Variants in PARD3B observed in about 807,000 individuals in gnomAD.
PARD3B encodes partitioning defective 3 homolog B.
PARD3B carries 103 observed loss-of-function variants against 130.2 expected under a neutral mutation model. The observed-to-expected ratio is 0.79, with a 90% CI of 0.67 to 0.93. The LOEUF (loss-of-function observed/expected upper bound fraction) is 0.93. Ranked by LOEUF, PARD3B falls within the 40% of genes least tolerant of loss-of-function variation. PARD3B has a pLI of 0.00. For missense variants in PARD3B, 1,609 were observed against 1,499.2 expected, an observed-to-expected ratio of 1.07 and a Z score of -1.21; for synonymous variants, 583 against 553.2, an observed-to-expected ratio of 1.05 and a Z score of -0.76.
intron 18 of PARD3B, among the ~76,000 whole-genome samples, chr2:205,383,083 C>CATAGATAGATAGATAGATAGATAGATAG (rs59376156): frequency 2.5e-5 from 2 of 78,482 alleles, no homozygotes; most frequent in South Asian, 7.1e-4. Context: ...GGAAAGTTTA[C>CATAGATAGATAGATAGATAGATAGATAG]ATAGATAGAT....
chr2:205,364,897 C>T (rs1250150670), intron 18 of PARD3B, among the ~76,000 whole-genome samples: 6 of 152,094 alleles, frequency 3.9e-5, no homozygotes, highest in African/African-American at 1.2e-4. Flanking sequence ...ACCCCAAGGC[C>T]TCTCTTAGAA....
intron 10 of PARD3B, among the ~76,000 whole-genome samples, chr2:205,129,951 A>G (rs1247337995): frequency 6.6e-6 from 1 of 152,146 alleles, no homozygotes; most frequent in Non-Finnish European, 1.5e-5. Flanking sequence ...TTCCTGAGCA[A>G]TTGATTAACG....
chr2:205,556,005 C>T (rs182446301), intron 22 of PARD3B, among the ~76,000 whole-genome samples: 5 of 152,270 alleles, frequency 3.3e-5, no homozygotes, highest in Admixed American at 3.3e-4. Context: ...GTGCCAGTGA[C>T]ATTTACCCTG....
chr2:204,548,080 C>G (rs2125038913), intron 1 of PARD3B, among the ~76,000 whole-genome samples: 1 of 152,142 alleles, frequency 6.6e-6, no homozygotes, highest in Admixed American at 6.5e-5. Flanking sequence ...TTCCCCTCCC[C>G]AAGTATTCTT....
At chr2:204,761,925 G>T (rs1382366130) in intron 2 of PARD3B, among the ~76,000 whole-genome samples, 2 of 151,804 alleles carry the variant, frequency 1.3e-5, no homozygotes, top group Admixed American at 1.3e-4. Flanking sequence ...ATATTTTTAT[G>T]AATCAGGCTT....
intron 1 of PARD3B, among the ~76,000 whole-genome samples, chr2:204,625,132 C>T (rs889649381): frequency 2.6e-5 from 4 of 152,022 alleles, no homozygotes; most frequent in South Asian, 2.1e-4. Flanking sequence ...GTAAGATATA[C>T]GGTTTGGAAA....
At chr2:205,210,724 T>G (rs1382646786) in intron 15 of PARD3B, among the ~76,000 whole-genome samples, 1 of 152,116 alleles carries the variant, frequency 6.6e-6, no homozygotes, top group African/African-American at 2.4e-5. Context: ...TCATCATTTT[T>G]TTTTCATTTT....
chr2:205,456,287 A>G (rs1331520885), intron 20 of PARD3B, among the ~76,000 whole-genome samples: 1 of 152,030 alleles, frequency 6.6e-6, no homozygotes, highest in Non-Finnish European at 1.5e-5. Flanking sequence ...GGTTGTTTCC[A>G]GTTTATGGCT....
In PARD3B at chr2:204,974,575, A is replaced by T. The variant is rs147838062; in HGVS notation, c.394+9252A>T. Among the ~76,000 whole-genome samples the T allele has an allele frequency of 2.3e-3, 356 of 152,346 alleles. 1 individual carries two copies. Among genetic ancestry groups the T allele is most frequent in the African/African-American group, 8.1e-3 (338 of 41,584 alleles). On this transcript the variant is annotated intron_variant, in intron 3 of 22. Coordinates refer to ENST00000406610, the MANE Select transcript of PARD3B (RefSeq NM_001302769.2). ...TTCTGTATAATTGTGATGATCAATTAAACTTACTAGTGTTTTTAAAACAAA... is the reference window on the plus strand; with the variant it reads ...TTCTGTATAATTGTGATGATCAATTTAACTTACTAGTGTTTTTAAAACAAA...
At chr2:205,496,041 G>A (rs535536944) in intron 20 of PARD3B, among the ~76,000 whole-genome samples, 2 of 152,158 alleles carry the variant, frequency 1.3e-5, no homozygotes, top group Admixed American at 6.5e-5. Context: ...TAATTGATTC[G>A]TGATGTCTGC....
chr2:205,104,366 A>G (rs1487896350), intron 4 of PARD3B, 60 bp from the exon 5 acceptor site: 13 of 1,227,830 alleles, frequency 1.1e-5, no homozygotes, highest in Middle Eastern at 1.9e-4. Context: ...GGGATATTTT[A>G]TTCAGATTTT....
At chr2:205,468,776 G>A (rs1376619399) in intron 20 of PARD3B, among the ~76,000 whole-genome samples, 1 of 152,152 alleles carries the variant, frequency 6.6e-6, no homozygotes, top group Non-Finnish European at 1.5e-5. Context: ...CTGGCATGCT[G>A]CAGTCATCTG....
intron 4 of PARD3B, among the ~76,000 whole-genome samples, chr2:205,100,269 A>G (rs1381693452): frequency 6.6e-6 from 1 of 152,170 alleles, no homozygotes; most frequent in Non-Finnish European, 1.5e-5. Context: ...TATAGCAAAT[A>G]TCAGTTTTTT....
intron 2 of PARD3B, among the ~76,000 whole-genome samples, chr2:204,736,333 G>A (rs907924509): frequency 6.6e-6 from 1 of 151,958 alleles, no homozygotes; most frequent in African/African-American, 2.4e-5. Flanking sequence ...TTACATAGAT[G>A]AATCCTATAG....
At chr2:205,559,196 A>G (rs1474259632) in intron 22 of PARD3B, among the ~76,000 whole-genome samples, 1 of 152,190 alleles carries the variant, frequency 6.6e-6, no homozygotes, top group Non-Finnish European at 1.5e-5. Flanking sequence ...CCCACGTTGG[A>G]GTACAGTGGT....
At chr2:205,469,067 T>C (rs766192277) in intron 20 of PARD3B, among the ~76,000 whole-genome samples, 4 of 152,120 alleles carry the variant, frequency 2.6e-5, no homozygotes, top group Non-Finnish European at 4.4e-5. Context: ...TGTAGACTTC[T>C]AGCACAGAAT....
At chr2:205,344,214 G>GTGTGTT (rs2043661403) in intron 18 of PARD3B, among the ~76,000 whole-genome samples, 2 of 151,888 alleles carry the variant, frequency 1.3e-5, no homozygotes, top group South Asian at 2.1e-4. Flanking sequence ...GTGTGTGTGT[G>GTGTGTT]TGTGTGTGTG....
At chr2:205,587,386 C>T (rs1682994370) in intron 22 of PARD3B, among the ~76,000 whole-genome samples, 1 of 152,182 alleles carries the variant, frequency 6.6e-6, no homozygotes, top group African/African-American at 2.4e-5. Flanking sequence ...CCACAATCAG[C>T]AGTAGAATAT....
chr2:205,278,376 G>C (rs1176811926), intron 16 of PARD3B, among the ~76,000 whole-genome samples: 1 of 152,190 alleles, frequency 6.6e-6, no homozygotes, highest in African/African-American at 2.4e-5. Flanking sequence ...TCGGGGACTA[G>C]AGAGAACTGG....
Sources: allele counts gnomAD v4.1 joint callset (sites outside exome capture counted in the v4.1 genomes callset), GRCh38; gene constraint gnomAD v4.1.1; transcripts MANE v1.5; gene names NCBI Gene and HGNC (gene_info 2026-07-23, HGNC 2026-07-21).